DNAJC1: variants seen among roughly 807,000 people sequenced by gnomAD.
DNAJC1 encodes DnaJ heat shock protein family (Hsp40) member C1.
In DNAJC1, 58 loss-of-function variants were observed where a neutral mutation model predicts 76.6. That is an observed-to-expected ratio of 0.76 (90% CI 0.61 to 0.94). The LOEUF (loss-of-function observed/expected upper bound fraction) is 0.94. DNAJC1 is among the 40% of genes least tolerant of loss of function. The probability of loss-of-function intolerance (pLI) is 0.00; values close to 1 mark genes in which losing one functional copy is unlikely to be tolerated. For missense variants in DNAJC1, 689 were observed against 677.3 expected, an observed-to-expected ratio of 1.02 and a Z score of -0.19; for synonymous variants, 258 against 267.9, an observed-to-expected ratio of 0.96 and a Z score of 0.36.
intron 1 of DNAJC1, among the ~76,000 whole-genome samples, chr10:21,957,564 T>A (rs551048300): frequency 6.6e-6 from 1 of 152,342 alleles, no homozygotes; most frequent in South Asian, 2.1e-4. Context: ...ATCTTTGCAA[T>A]AGTTCTGTAC....
chr10:21,986,203 G>A (rs1036952091), intron 1 of DNAJC1, among the ~76,000 whole-genome samples: 13 of 152,096 alleles, frequency 8.5e-5, no homozygotes, highest in African/African-American at 2.4e-4. Context: ...GTGACAAAGC[G>A]AGACTCCATC....
rs542232744 is a variant in DNAJC1 at position 21,983,578 on chromosome 10, G to T, written c.222+19635C>A. ...CCACTAAAAATACAAAAATTAGCCGGGTGTGGTGGCACTCGCCTGTAAATC... is the reference window on the plus strand; with the variant it reads ...CCACTAAAAATACAAAAATTAGCCGTGTGTGGTGGCACTCGCCTGTAAATC... On this transcript the variant is annotated intron_variant, in intron 1 of 11. Coordinates refer to ENST00000376980, the MANE Select transcript of DNAJC1 (RefSeq NM_022365.4). 1.1e-3 allele frequency among the ~76,000 whole-genome samples: 174 copies of T among 152,208 alleles called. 2 individuals carry two copies. Among genetic ancestry groups the T allele is most frequent in the Non-Finnish European group, 1.9e-3 (131 of 68,004 alleles).
At chr10:21,961,717 G>A (rs572099622) in intron 1 of DNAJC1, among the ~76,000 whole-genome samples, 2 of 152,190 alleles carry the variant, frequency 1.3e-5, no homozygotes, top group Admixed American at 1.3e-4. Flanking sequence ...CTTAAAATGG[G>A]TAAAATGGTA....
chr10:21,861,558 C>T (rs1210454689), intron 8 of DNAJC1, among the ~76,000 whole-genome samples: 2 of 152,104 alleles, frequency 1.3e-5, no homozygotes. Flanking sequence ...TTAAGGCATT[C>T]TAAGTCACAG....
chr10:22,003,309 C>T lies in DNAJC1; in HGVS notation c.126G>A (p.Val42=). ...LWLLLLLLAA[V]APARGWESGD... is the part of the protein sequence containing the mutation. Reference sequence around the variant, plus strand: ...CGCTCTCCCAGCCGCGCGCCGGCGCCACGGCGGCCAGCAGCAGCAGCAGCA... The same window carrying T: ...CGCTCTCCCAGCCGCGCGCCGGCGCTACGGCGGCCAGCAGCAGCAGCAGCA... Residue 42 remains valine (V), a synonymous_variant, in exon 1 of 12, where the codon GTG becomes GTA. Coordinates refer to ENST00000376980, the MANE Select transcript of DNAJC1 (RefSeq NM_022365.4). The T allele has an allele frequency of 2.6e-6, 4 of 1,524,870 alleles. No homozygotes were observed. Among genetic ancestry groups the T allele is most frequent in the South Asian group, 1.2e-5 (1 of 80,916 alleles). The allele number at this position is 1,524,870 out of a possible 1,614,324, so 94.5% of individuals were successfully genotyped here.
chr10:21,938,713 G>A (rs943308751), intron 1 of DNAJC1, among the ~76,000 whole-genome samples: 4 of 152,158 alleles, frequency 2.6e-5, no homozygotes, highest in African/African-American at 9.7e-5. Context: ...TTAATCAATG[G>A]ATTGACAATA....
At chr10:21,822,002 T>C (rs1261700188) in intron 8 of DNAJC1, among the ~76,000 whole-genome samples, 1 of 152,212 alleles carries the variant, frequency 6.6e-6, no homozygotes, top group Non-Finnish European at 1.5e-5. Context: ...AAGGTCATAT[T>C]ATTCAACAGA....
chr10:21,951,888 GT>G (rs1837602400), intron 1 of DNAJC1, among the ~76,000 whole-genome samples: 1 of 152,180 alleles, frequency 6.6e-6, no homozygotes, highest in African/African-American at 2.4e-5. Context: ...TTTATGTGAT[GT>G]TCTTGAAATG....
At chr10:21,959,755 C>T (rs1277261826) in intron 1 of DNAJC1, among the ~76,000 whole-genome samples, 1 of 147,416 alleles carries the variant, frequency 6.8e-6, no homozygotes, top group Non-Finnish European at 1.5e-5. Flanking sequence ...CGCTTCACTT[C>T]AGCCTAGGCG....
Position 21,918,874 on chromosome 10 carries a change from TA to T in DNAJC1, c.636-3del. On this transcript the variant is annotated splice_polypyrimidine_tract_variant and splice_region_variant and intron_variant, in intron 5 of 11. Coordinates refer to ENST00000376980, the MANE Select transcript of DNAJC1 (RefSeq NM_022365.4). ...TGCCACTGTGGTTTCATCAGCAATC[TA>T]AAGGGAGGGAGAAAAAAGAACACCA... 1 of 1,609,988 alleles carries T rather than the reference TA, an allele frequency of 6.2e-7. No homozygotes were observed. Among genetic ancestry groups the T allele is most frequent in the Admixed American group, 1.7e-5 (1 of 59,966 alleles).
chr10:21,802,871 G>A (rs977130747), intron 9 of DNAJC1, among the ~76,000 whole-genome samples: 2 of 152,046 alleles, frequency 1.3e-5, no homozygotes, highest in Non-Finnish European at 2.9e-5. Context: ...TGTTTCCGCT[G>A]TTATTTTTAC....
intron 8 of DNAJC1, among the ~76,000 whole-genome samples, chr10:21,851,337 C>G (rs1005303516): frequency 4.6e-5 from 7 of 152,106 alleles, no homozygotes; most frequent in African/African-American, 1.7e-4. Context: ...AGAAGCTACA[C>G]AACAAATGGC....
At chr10:21,861,281 T>C (rs925391574) in intron 8 of DNAJC1, among the ~76,000 whole-genome samples, 1 of 151,938 alleles carries the variant, frequency 6.6e-6, no homozygotes, top group African/African-American at 2.4e-5. Flanking sequence ...ATCAATTTCA[T>C]AGAAAGGAGA....
intron 1 of DNAJC1, among the ~76,000 whole-genome samples, chr10:21,988,585 T>G (rs766475244): frequency 6.6e-6 from 1 of 152,192 alleles, no homozygotes; most frequent in African/African-American, 2.4e-5. Flanking sequence ...CTTAATTCTA[T>G]GAAGCTAATA....
chr10:21,830,651 T>G (rs370768258), intron 8 of DNAJC1, among the ~76,000 whole-genome samples: 4 of 152,328 alleles, frequency 2.6e-5, no homozygotes, highest in African/African-American at 9.6e-5. Context: ...AAATCTGTCT[T>G]TTTAAAAAAT....
At chr10:21,840,185 C>T (rs921693527) in intron 8 of DNAJC1, among the ~76,000 whole-genome samples, 2 of 152,158 alleles carry the variant, frequency 1.3e-5, no homozygotes, top group African/African-American at 4.8e-5. Context: ...CCTTTGAAAA[C>T]TGGCACAAGA....
intron 8 of DNAJC1, among the ~76,000 whole-genome samples, chr10:21,854,131 C>T (rs987604171): frequency 3.3e-5 from 5 of 151,990 alleles, no homozygotes; most frequent in Admixed American, 3.3e-4. Context: ...TGAACTCAAC[C>T]ATCAGGTTGT....
At chr10:21,855,740 C>T (rs901914205) in intron 8 of DNAJC1, among the ~76,000 whole-genome samples, 1 of 152,134 alleles carries the variant, frequency 6.6e-6, no homozygotes, top group African/African-American at 2.4e-5. Flanking sequence ...AAAAGAGTCT[C>T]ACCAACACTT....
intron 1 of DNAJC1, among the ~76,000 whole-genome samples, chr10:21,969,211 G>A (rs1473823312): frequency 1.7e-5 from 2 of 119,164 alleles, no homozygotes; most frequent in Admixed American, 9.2e-5. Flanking sequence ...GCAATAGAGC[G>A]AGACTCCATT....
Sources: gnomAD v4.1 joint callset for allele counts (sites outside exome capture counted in the v4.1 genomes callset) on GRCh38, gnomAD v4.1.1 for gene constraint, MANE v1.5 for transcripts, NCBI Gene and HGNC (gene_info 2026-07-23, HGNC 2026-07-21) for gene names.